Variants in USP24 observed in about 807,000 individuals in gnomAD.
USP24 encodes ubiquitin specific peptidase 24, also known as ubiquitin carboxyl-terminal hydrolase 24.
In USP24, 97 loss-of-function variants were observed where a neutral mutation model predicts 361.6. The observed-to-expected ratio is 0.27, with a 90% CI of 0.23 to 0.32. The LOEUF (loss-of-function observed/expected upper bound fraction) is 0.32, where lower values mean the gene tolerates loss of function less well. Ranked by LOEUF, USP24 falls within the 10% of genes least tolerant of loss-of-function variation. The pLI is 1.00. For synonymous variants in USP24, 1,098 were observed against 1,124.6 expected, an observed-to-expected ratio of 0.98 and a Z score of 0.47; for missense variants, 2,353 against 3,165.6, an observed-to-expected ratio of 0.74 and a Z score of 6.16.
rs371342128 is a variant in USP24, at chr1:55,120,520, C to T, written c.4508+76G>A. 7.8e-5 allele frequency: 112 copies of T among 1,441,922 alleles called. No individual in the cohort carries two copies. In the East Asian group the frequency reaches 2.2e-3, roughly 28 times the overall value. The allele number at this position is 1,441,922 out of a possible 1,614,324, so 89.3% of individuals were successfully genotyped here. A position where few individuals can be genotyped will look rare whatever the true frequency, so the allele number is the denominator to read the frequency against. ...AGTCATCTCAATAATGCACTGTGGA[C>T]TTCAGGGGAGCAGCACACAAATTAT... On this transcript the variant is annotated intron_variant, in intron 38 of 67. Transcript: ENST00000294383.
intron 40 of USP24, 81 bp downstream of exon 40, chr1:55,107,158 T>C: frequency 6.8e-7 from 1 of 1,467,930 alleles, no homozygotes; most frequent in African/African-American, 1.4e-5. Flanking sequence ...GGCATCTATC[T>C]TATTTTCCCA....
At position 55,097,928 on chromosome 1, in the gene USP24, G is replaced by A; in HGVS notation, c.5595+15C>T. 1 of 1,579,414 alleles carries A rather than the reference G, an allele frequency of 6.3e-7. No individual in the cohort carries two copies. The highest frequency in any genetic ancestry group is 8.6e-7 in the Non-Finnish European group (1 of 1,167,886). On this transcript the variant is annotated intron_variant, in intron 47 of 67. Transcript: ENST00000294383. The stretch of plus-strand genomic sequence containing the variant: ...ACAAATTAATCTTGTTTTTTAAAAA[G>A]GGCAAACATAATACCTTTTCTTTAC...
intron 59 of USP24, 136 bp from the exon 60 acceptor site, chr1:55,079,795 A>C: frequency 8.5e-7 from 1 of 1,181,978 alleles, no homozygotes; most frequent in Non-Finnish European, 1.1e-6. Context: ...TCACACACTG[A>C]GTACTCACAC....
At chr1:55,162,686 C>T (rs1007987536) in intron 7 of USP24, among the ~76,000 whole-genome samples, 1 of 152,136 alleles carries the variant, frequency 6.6e-6, no homozygotes, top group African/African-American at 2.4e-5. Flanking sequence ...TGGGGAGACA[C>T]CATGTTTCTA....
At chr1:55,088,891 G>A (rs1645311241) in intron 55 of USP24, among the ~76,000 whole-genome samples, 1 of 152,006 alleles carries the variant, frequency 6.6e-6, no homozygotes, top group South Asian at 2.1e-4. Flanking sequence ...CTAGGTAGAT[G>A]TACTATCATA....
At chr1:55,127,281 T>C (rs975024152) in intron 32 of USP24, among the ~76,000 whole-genome samples, 10 of 152,242 alleles carry the variant, frequency 6.6e-5, no homozygotes, top group Middle Eastern at 6.8e-3. Context: ...TGTGTTCTCA[T>C]TGTTCAATTC....
At chr1:55,165,251 G>A (rs1371390232) in intron 7 of USP24, among the ~76,000 whole-genome samples, 1 of 152,088 alleles carries the variant, frequency 6.6e-6, no homozygotes, top group African/African-American at 2.4e-5. Flanking sequence ...TCTTATTCAT[G>A]CCAAGTACGT....
chr1:55,108,024 T>C (rs1361434671), intron 39 of USP24, among the ~76,000 whole-genome samples: 1 of 152,022 alleles, frequency 6.6e-6, no homozygotes, highest in African/African-American at 2.4e-5. Context: ...GGGAGACAAA[T>C]TCCTGCTCAG....
Position 55,200,938 on chromosome 1 carries a change from A to C in USP24, c.324+13852T>G, listed in dbSNP as rs139193598. On this transcript the variant is annotated intron_variant, in intron 1 of 67. Transcript: ENST00000294383. Reference sequence around the variant, plus strand: ...GAGCTAAAGAAAAAACATAAAGCAAAGGAAGTGGTGCAGAATACCAAAGTT... The same window carrying C: ...GAGCTAAAGAAAAAACATAAAGCAACGGAAGTGGTGCAGAATACCAAAGTT... Among the ~76,000 whole-genome samples the C allele has an allele frequency of 2.0e-5, 3 of 152,362 alleles. No individual in the cohort carries two copies. In the East Asian group the frequency reaches 5.8e-4, roughly 29 times the overall value.
chr1:55,122,390 G>A (rs938357914), intron 36 of USP24, among the ~76,000 whole-genome samples: 3 of 152,180 alleles, frequency 2.0e-5, no homozygotes, highest in African/African-American at 7.2e-5. Flanking sequence ...AGAAGCAAAG[G>A]CACAGGAGTA....
chr1:55,072,008 T>C, intron 66 of USP24, 84 bp from the exon 67 acceptor site: 1 of 1,190,046 alleles, frequency 8.4e-7, no homozygotes, highest in Non-Finnish European at 1.2e-6. Context: ...ACCTTTCATC[T>C]GACCTTCAGT....
intron 37 of USP24, among the ~76,000 whole-genome samples, 197 bp downstream of exon 37, chr1:55,121,239 C>T (rs1319288918): frequency 6.6e-6 from 1 of 152,150 alleles, no homozygotes; most frequent in East Asian, 1.9e-4. Flanking sequence ...CTTTTGGTGG[C>T]ATATGGAGGA....
In USP24 at chr1:55,215,145, C is replaced by T; in HGVS notation, c.-32G>A. The stretch of plus-strand genomic sequence containing the variant: ...GGCCTCCTGGCCGCCCCGGCCAGCG[C>T]ACGGCGAAGCTACGGGTCCCGGGCC... On this transcript the variant is annotated 5_prime_UTR_variant, in exon 1 of 68. Transcript: ENST00000294383. 8.2e-7 allele frequency: 1 copy of T among 1,221,872 alleles called. No homozygotes were observed. The highest frequency in any genetic ancestry group is 3.3e-5 in the East Asian group (1 of 30,442). 75.7% of individuals were successfully genotyped at this position (1,221,872 alleles called of 1,614,324 possible).
chr1:55,082,961 T>C (rs1241244267), intron 58 of USP24, among the ~76,000 whole-genome samples: 2 of 152,100 alleles, frequency 1.3e-5, no homozygotes, highest in South Asian at 2.1e-4. Context: ...GACAGCCTTG[T>C]TCACAGCCCC....
chr1:55,191,773 A>C (rs1487850022), intron 1 of USP24, among the ~76,000 whole-genome samples: 1 of 152,136 alleles, frequency 6.6e-6, no homozygotes, highest in Admixed American at 6.5e-5. Flanking sequence ...TACAGGCATG[A>C]GCCACCCTGC....
In USP24 at chr1:55,123,151, T is replaced by A. The variant is rs186496192; in HGVS notation, c.4276+296A>T. ...TTGATATACAATTCTAATTCTGTAA[T>A]TTATGAACTAGTAAATTTGGGCTCT... is the stretch of plus-strand genomic sequence containing the variant. On this transcript the variant is annotated intron_variant, in intron 36 of 67. Transcript: ENST00000294383. Among the ~76,000 whole-genome samples, 40 of 152,324 alleles carry A rather than the reference T, an allele frequency of 2.6e-4. No homozygotes were observed. In the East Asian group the frequency reaches 7.5e-3, roughly 29 times the overall value.
chr1:55,080,056 C>T (rs571782198), intron 59 of USP24, among the ~76,000 whole-genome samples: 30 of 152,094 alleles, frequency 2.0e-4, no homozygotes, highest in Non-Finnish European at 3.4e-4. Context: ...GAAATACTGC[C>T]GAAAGCTGCC....
chr1:55,141,082 T>C (rs1646875375), intron 24 of USP24, among the ~76,000 whole-genome samples: 1 of 152,192 alleles, frequency 6.6e-6, no homozygotes. Flanking sequence ...AATACTTTTA[T>C]TATTTGAATA....
intron 19 of USP24, 74 bp from the exon 20 acceptor site, chr1:55,146,183 T>A: frequency 1.9e-6 from 2 of 1,053,642 alleles, no homozygotes; most frequent in Non-Finnish European, 2.9e-6. Flanking sequence ...ACTGGAAAAG[T>A]AAAGATACAT....
Sources: gnomAD v4.1 joint callset for allele counts (sites outside exome capture counted in the v4.1 genomes callset) on GRCh38, gnomAD v4.1.1 for gene constraint, MANE v1.5 for transcripts, NCBI Gene and HGNC (gene_info 2026-07-23, HGNC 2026-07-21) for gene names.